Variants in GPC5 observed in about 807,000 individuals in gnomAD.
GPC5 encodes glypican-5.
GPC5 carries 47 observed loss-of-function variants against 53.9 expected under a neutral mutation model. The ratio of observed to expected loss-of-function variants is 0.87; its 90% CI spans 0.69 to 1.11. The LOEUF is 1.11. Among genes scored for constraint, GPC5 ranks in the 50% most tolerant of loss-of-function variants. The pLI, the probability that GPC5 is intolerant of heterozygous loss-of-function variation, is 0.00. For synonymous variants in GPC5, 286 were observed against 263.3 expected, an observed-to-expected ratio of 1.09 and a Z score of -0.84; for missense variants, 748 against 713.1, an observed-to-expected ratio of 1.05 and a Z score of -0.56.
At chr13:91,529,328 A>C (rs1886231954) in intron 2 of GPC5, among the ~76,000 whole-genome samples, 1 of 152,208 alleles carries the variant, frequency 6.6e-6, no homozygotes, top group African/African-American at 2.4e-5. Context: ...TATACCCCAT[A>C]TTTTGATTTT....
intron 6 of GPC5, among the ~76,000 whole-genome samples, chr13:91,940,465 G>A (rs2039916171): frequency 6.6e-6 from 1 of 152,128 alleles, no homozygotes; most frequent in South Asian, 2.1e-4. Context: ...ATAAGTGCAT[G>A]TGTCCTTTTA....
chr13:92,312,845 T>C (rs1012796750), intron 7 of GPC5, among the ~76,000 whole-genome samples: 2 of 152,230 alleles, frequency 1.3e-5, no homozygotes, highest in African/African-American at 2.4e-5. Flanking sequence ...TAATGTCTAA[T>C]ACATAAGCGA....
intron 6 of GPC5, among the ~76,000 whole-genome samples, chr13:92,101,086 A>C (rs2041463082): frequency 6.6e-6 from 1 of 152,230 alleles, no homozygotes; most frequent in Non-Finnish European, 1.5e-5. Flanking sequence ...TTTACAGTAC[A>C]TCCAGTTCTC....
At chr13:92,381,847 G>GATATATGATTATAT (rs1261792173) in intron 7 of GPC5, among the ~76,000 whole-genome samples, 3 of 119,582 alleles carry the variant, frequency 2.5e-5, no homozygotes, top group South Asian at 2.5e-4. Context: ...TATTGTATAT[G>GATATATGATTATAT]ATCATATATG....
At chr13:91,992,660 G>A (rs949073132) in intron 6 of GPC5, among the ~76,000 whole-genome samples, 2 of 151,800 alleles carry the variant, frequency 1.3e-5, no homozygotes, top group Non-Finnish European at 2.9e-5. Flanking sequence ...GATTCACTGT[G>A]TTGGCCAGGC....
intron 7 of GPC5, among the ~76,000 whole-genome samples, chr13:92,751,261 A>C (rs1169561379): frequency 6.9e-6 from 1 of 145,562 alleles, no homozygotes; most frequent in Non-Finnish European, 1.5e-5. Flanking sequence ...GTACCTACGT[A>C]AGAACAGTTT....
intron 6 of GPC5, among the ~76,000 whole-genome samples, chr13:91,961,056 TA>T (rs200818097): frequency 0.028 from 4,178 of 149,796 alleles, 147 homozygotes; most frequent in African/African-American, 0.084. Flanking sequence ...ATATTAAACT[TA>T]AAAAAAAACT....
chr13:92,290,121 T>A (rs1271513766), intron 7 of GPC5, among the ~76,000 whole-genome samples: 1 of 152,204 alleles, frequency 6.6e-6, no homozygotes, highest in Non-Finnish European at 1.5e-5. Context: ...ATAAAAACTG[T>A]TATACAATTT....
chr13:91,522,557 T>G (rs1335226602), intron 2 of GPC5, among the ~76,000 whole-genome samples: 1 of 152,216 alleles, frequency 6.6e-6, no homozygotes, highest in Non-Finnish European at 1.5e-5. Context: ...CTAGGGTACA[T>G]GTGCACAACG....
chr13:92,661,413 G>A (rs941680098), intron 7 of GPC5, among the ~76,000 whole-genome samples: 15 of 149,366 alleles, frequency 1.0e-4, no homozygotes, highest in African/African-American at 3.5e-4. Context: ...CACACTAAAT[G>A]AGATTGTGTA....
In GPC5 at chr13:91,721,580, G is replaced by T. The variant is rs375562627; in HGVS notation, c.1021-6952G>T. ...AGAGCCCACTTAGAACACAAATTTA[G>T]CCCTTGGCAGAGCATGTGGGAAACT... On this transcript the variant is annotated intron_variant, in intron 3 of 7. Coordinates refer to ENST00000377067, the MANE Select transcript of GPC5 (RefSeq NM_004466.6). Among the ~76,000 whole-genome samples the T allele has an allele frequency of 3.1e-4, 47 of 152,256 alleles. No individual in the cohort carries two copies. The East Asian group carries it at 6.4e-3, about 21-fold the overall frequency.
At chr13:92,719,586 G>T (rs1027503333) in intron 7 of GPC5, among the ~76,000 whole-genome samples, 1 of 152,052 alleles carries the variant, frequency 6.6e-6, no homozygotes, top group Non-Finnish European at 1.5e-5. Flanking sequence ...CCTAAAAATA[G>T]ATTTATTTTC....
At chr13:92,717,656 C>A (rs1888375406) in intron 7 of GPC5, among the ~76,000 whole-genome samples, 1 of 152,116 alleles carries the variant, frequency 6.6e-6, no homozygotes, top group Non-Finnish European at 1.5e-5. Context: ...TTGAAATTCA[C>A]AATGTATTAA....
intron 6 of GPC5, among the ~76,000 whole-genome samples, chr13:92,090,147 A>G (rs2041368580): frequency 6.6e-6 from 1 of 152,124 alleles, no homozygotes; most frequent in Admixed American, 6.5e-5. Context: ...GAAAAATTTC[A>G]TTTTTACTTT....
intron 6 of GPC5, among the ~76,000 whole-genome samples, chr13:92,055,949 T>A (rs1280492245): frequency 6.6e-6 from 1 of 152,198 alleles, no homozygotes; most frequent in Non-Finnish European, 1.5e-5. Context: ...CTGTTTTTAC[T>A]GTACCATTAG....
chr13:92,301,437 A>G (rs1199352869), intron 7 of GPC5, among the ~76,000 whole-genome samples: 1 of 152,234 alleles, frequency 6.6e-6, no homozygotes, highest in African/African-American at 2.4e-5. Context: ...CAAGAAAACT[A>G]TCTGAAAGTT....
At chr13:91,820,341 C>T (rs535058180) in intron 5 of GPC5, among the ~76,000 whole-genome samples, 1 of 152,198 alleles carries the variant, frequency 6.6e-6, no homozygotes, top group East Asian at 1.9e-4. Flanking sequence ...ATAATTTTCT[C>T]ATAGCCTTAT....
chr13:92,750,775 G>C (rs1406802167), intron 7 of GPC5, among the ~76,000 whole-genome samples: 3 of 152,110 alleles, frequency 2.0e-5, no homozygotes, highest in South Asian at 4.1e-4. Flanking sequence ...CAATGCAAAG[G>C]CTGCGTGGAG....
intron 6 of GPC5, among the ~76,000 whole-genome samples, chr13:92,104,125 G>T (rs1275211672): frequency 6.6e-6 from 1 of 152,126 alleles, no homozygotes; most frequent in Non-Finnish European, 1.5e-5. Context: ...TGAGGGAACT[G>T]CCAGGTTAAA....
Sources: allele counts gnomAD v4.1 joint callset (sites outside exome capture counted in the v4.1 genomes callset), GRCh38; gene constraint gnomAD v4.1.1; transcripts MANE v1.5; gene names NCBI Gene and HGNC (gene_info 2026-07-23, HGNC 2026-07-21).